CPA6: variants seen among roughly 807,000 people sequenced by gnomAD.
CPA6 encodes carboxypeptidase A6.
CPA6 carries 58 observed loss-of-function variants against 63.3 expected under a neutral mutation model. The ratio of observed to expected loss-of-function variants is 0.92; its 90% CI spans 0.74 to 1.14. CPA6 has a LOEUF of 1.14. Among genes scored for constraint, CPA6 ranks in the 50% most tolerant of loss-of-function variants. The pLI, the probability that CPA6 is intolerant of heterozygous loss-of-function variation, is 0.00. For missense variants in CPA6, 565 were observed against 526.6 expected (o/e 1.07, Z -0.71); for synonymous variants, 185 against 179.0 (o/e 1.03, Z -0.27).
chr8:67,653,669 A>G (rs1471039663), intron 1 of CPA6, among the ~76,000 whole-genome samples: 1 of 152,186 alleles, frequency 6.6e-6, no homozygotes, highest in Non-Finnish European at 1.5e-5. Flanking sequence ...TTCTAGATAT[A>G]TAATCATGTC....
chr8:67,475,818 CTTTCT>C (rs1360275198), intron 8 of CPA6, among the ~76,000 whole-genome samples: 6,657 of 27,176 alleles, frequency 0.24, 530 homozygotes, highest in African/African-American at 0.34. Flanking sequence ...TCTTTCTTTC[CTTTCT>C]TTTCTTTCTT....
intron 2 of CPA6, among the ~76,000 whole-genome samples, chr8:67,606,948 G>A (rs984038267): frequency 1.3e-5 from 2 of 152,052 alleles, no homozygotes; most frequent in African/African-American, 4.8e-5. Context: ...TTATATTTTG[G>A]TCAGGTCTGT....
chr8:67,732,089 C>T (rs933245509), intron 1 of CPA6, among the ~76,000 whole-genome samples: 10 of 152,050 alleles, frequency 6.6e-5, no homozygotes, highest in African/African-American at 1.9e-4. Flanking sequence ...AGCAGAATGC[C>T]GGTCCAGTCA....
intron 2 of CPA6, among the ~76,000 whole-genome samples, chr8:67,604,422 T>C (rs548454638): frequency 8.4e-4 from 128 of 152,364 alleles, no homozygotes; most frequent in African/African-American, 2.8e-3. Flanking sequence ...GCCACATTTT[T>C]AATGATGTCT....
chr8:67,526,000 T>C (rs906257324), intron 2 of CPA6, among the ~76,000 whole-genome samples: 8 of 151,598 alleles, frequency 5.3e-5, no homozygotes, highest in Non-Finnish European at 8.8e-5. Flanking sequence ...AAAACTGTAA[T>C]TGTACACCTT....
chr8:67,547,003 T>C (rs559708320), intron 2 of CPA6, among the ~76,000 whole-genome samples: 1 of 152,278 alleles, frequency 6.6e-6, no homozygotes, highest in Admixed American at 6.5e-5. Flanking sequence ...TTTACGTTTT[T>C]AACAAAATCC....
chr8:67,475,781 C>CTT (rs1440835118), intron 8 of CPA6, among the ~76,000 whole-genome samples: 1 of 56,718 alleles, frequency 1.8e-5, no homozygotes, highest in African/African-American at 1.2e-4. Flanking sequence ...TTCTTTCTTT[C>CTT]TTTCTTTCTT....
chr8:67,716,753 C>T (rs1444925290), intron 1 of CPA6, among the ~76,000 whole-genome samples: 2 of 152,142 alleles, frequency 1.3e-5, no homozygotes, highest in Middle Eastern at 3.2e-3. Flanking sequence ...ATGCCATTCC[C>T]AGCTTGACTT....
At chr8:67,506,421 A>T (rs1811927397) in intron 6 of CPA6, among the ~76,000 whole-genome samples, 1 of 152,234 alleles carries the variant, frequency 6.6e-6, no homozygotes, top group Non-Finnish European at 1.5e-5. Flanking sequence ...AGTGATGTAG[A>T]ACTTTCTGAG....
intron 8 of CPA6, among the ~76,000 whole-genome samples, chr8:67,480,458 G>T (rs1233587898): frequency 6.6e-6 from 1 of 151,994 alleles, no homozygotes; most frequent in African/African-American, 2.4e-5. Flanking sequence ...TTTTCACTTA[G>T]CATAATATTT....
chr8:67,697,663 G>GT (rs952641986), intron 1 of CPA6, among the ~76,000 whole-genome samples: 1 of 152,040 alleles, frequency 6.6e-6, no homozygotes. Flanking sequence ...TGTAAAAAAT[G>GT]TTTTTTACTG....
chr8:67,639,281 A>G (rs1815536765), intron 1 of CPA6, among the ~76,000 whole-genome samples: 1 of 151,398 alleles, frequency 6.6e-6, no homozygotes, highest in Non-Finnish European at 1.5e-5. Context: ...CCTTTGCCTG[A>G]GTTTTGCTTT....
intron 1 of CPA6, among the ~76,000 whole-genome samples, chr8:67,673,353 T>TTTTTTA (rs369901814): frequency 7.1e-6 from 1 of 140,116 alleles, no homozygotes; most frequent in Non-Finnish European, 1.5e-5. Flanking sequence ...TCTCTTTCAA[T>TTTTTTA]TTATTATTAT....
In CPA6 at chr8:67,629,830, G is replaced by C. The variant is rs1033320735; in HGVS notation, c.117-5579C>G. On this transcript the variant is annotated intron_variant, in intron 1 of 10. Transcript: ENST00000297770. ...AATACTTTTTATTCATTCCTGGCTGGGCGTGGTGGCTCACACCTGTAATCC... is the reference window on the plus strand; with the variant it reads ...AATACTTTTTATTCATTCCTGGCTGCGCGTGGTGGCTCACACCTGTAATCC... Among the ~76,000 whole-genome samples the C allele has an allele frequency of 3.9e-5, 6 of 152,132 alleles. No individual in the cohort carries two copies. The East Asian group carries it at 1.2e-3, about 29-fold the overall frequency.
chr8:67,678,018 C>T (rs1381225868), intron 1 of CPA6, among the ~76,000 whole-genome samples: 1 of 152,042 alleles, frequency 6.6e-6, no homozygotes, highest in Non-Finnish European at 1.5e-5. Flanking sequence ...GGCAGATCAC[C>T]TGAGGTTAGG....
intron 10 of CPA6, among the ~76,000 whole-genome samples, chr8:67,425,744 G>A (rs1470770213): frequency 3.9e-5 from 6 of 152,168 alleles, no homozygotes; most frequent in Non-Finnish European, 7.3e-5. Context: ...CTTTGCTTCA[G>A]TTAAGGACAG....
chr8:67,600,993 G>A (rs1220495349), intron 2 of CPA6, among the ~76,000 whole-genome samples: 1 of 152,138 alleles, frequency 6.6e-6, no homozygotes, highest in Non-Finnish European at 1.5e-5. Context: ...GGGCATATGT[G>A]TACATGCATG....
chr8:67,479,626 C>G (rs1811315372), intron 8 of CPA6, among the ~76,000 whole-genome samples: 2 of 152,172 alleles, frequency 1.3e-5, no homozygotes, highest in South Asian at 4.1e-4. Flanking sequence ...GCATACTTCA[C>G]AGCAAAGTTT....
intron 2 of CPA6, among the ~76,000 whole-genome samples, chr8:67,550,186 T>TC (rs542092897): frequency 1.6e-4 from 25 of 152,268 alleles, no homozygotes; most frequent in South Asian, 1.2e-3. Flanking sequence ...TTCAACCCTT[T>TC]CCCCCTCCCT....
Sources: gnomAD v4.1 joint callset for allele counts (sites outside exome capture counted in the v4.1 genomes callset) on GRCh38, gnomAD v4.1.1 for gene constraint, MANE v1.5 for transcripts, NCBI Gene and HGNC (gene_info 2026-07-23, HGNC 2026-07-21) for gene names.